Variants in KLHL2 observed in about 807,000 individuals in gnomAD.
KLHL2 encodes kelch like family member 2, also known as kelch-like protein 2.
A neutral mutation model predicts 75.8 loss-of-function variants in KLHL2; 15 were observed. The observed-to-expected ratio is 0.20, with a 90% confidence interval of 0.13 to 0.30. The LOEUF (loss-of-function observed/expected upper bound fraction) is 0.30, where lower values mean the gene tolerates loss of function less well. Ranked by LOEUF, KLHL2 falls within the 10% of genes least tolerant of loss-of-function variation. KLHL2 has a pLI of 1.00. For missense variants in KLHL2, 381 were observed against 741.0 expected, an observed-to-expected ratio of 0.51 and a Z score of 5.64; for synonymous variants, 214 against 251.9, an observed-to-expected ratio of 0.85 and a Z score of 1.42.
chr4:165,242,851 T>C (rs1739930912), intron 4 of KLHL2, among the ~76,000 whole-genome samples: 3 of 152,216 alleles, frequency 2.0e-5, no homozygotes. Context: ...TGTGTGAGTC[T>C]GTGTGTGTAT....
At chr4:165,210,288 T>G in intron 1 of KLHL2, 3 of 1,112,160 alleles carry the variant, frequency 2.7e-6, no homozygotes, top group Non-Finnish European at 4.0e-6. Context: ...ACATCCAAAT[T>G]TACATTGTTC....
At chr4:165,300,150 G>T (rs918321377) in intron 8 of KLHL2, among the ~76,000 whole-genome samples, 1 of 152,012 alleles carries the variant, frequency 6.6e-6, no homozygotes, top group African/African-American at 2.4e-5. Context: ...TTAGCCACGT[G>T]TGGTGGCAGG....
chr4:165,263,355 T>C lies in KLHL2; in HGVS notation c.540T>C (p.Tyr180=), dbSNP rs1200982337. Residue 180 remains tyrosine (Y), a synonymous_variant, in exon 5 of 15, where the codon TAT becomes TAC. Transcript: ENST00000226725. The part of the protein sequence containing the change: ...CTDLLNKANT[Y]AEQHFADVVL... ...ACCTTCTGAACAAGGCCAACACCTA[T>C]GCAGGCAAGTGGAGTAGACCTCAGC... 3 of 1,613,588 alleles carry C rather than the reference T, an allele frequency of 1.9e-6. No individual in the cohort carries two copies. The highest frequency in any genetic ancestry group is 2.5e-6 in the Non-Finnish European group (3 of 1,179,724).
chr4:165,307,537 A>C (rs946173817), intron 9 of KLHL2, among the ~76,000 whole-genome samples: 5 of 152,188 alleles, frequency 3.3e-5, no homozygotes, highest in African/African-American at 1.2e-4. Context: ...ATGCTGTTCT[A>C]GGATCCTGCT....
At chr4:165,270,589 T>C (rs2126335854) in intron 5 of KLHL2, among the ~76,000 whole-genome samples, 1 of 152,276 alleles carries the variant, frequency 6.6e-6, no homozygotes. Flanking sequence ...CAGCTGCAGG[T>C]CTGTTGGAGT....
chr4:165,219,654 A>C (rs1372834634), intron 1 of KLHL2: 9 of 1,153,012 alleles, frequency 7.8e-6, no homozygotes, highest in Non-Finnish European at 9.6e-6. Context: ...TTTTATTTGG[A>C]GATATCTGCT....
intron 4 of KLHL2, among the ~76,000 whole-genome samples, chr4:165,258,410 A>G (rs1307211102): frequency 6.6e-6 from 1 of 151,334 alleles, no homozygotes; most frequent in Non-Finnish European, 1.5e-5. Context: ...AAAAAAAAAA[A>G]AAAGGATCAT....
At chr4:165,277,595 G>C (rs1239990039) in intron 5 of KLHL2, among the ~76,000 whole-genome samples, 1 of 152,222 alleles carries the variant, frequency 6.6e-6, no homozygotes, top group Non-Finnish European at 1.5e-5. Flanking sequence ...CTCAAGTCCT[G>C]TTCCAGTAGT....
chr4:165,318,687 G>T (rs1376237957), intron 14 of KLHL2, among the ~76,000 whole-genome samples: 1 of 151,952 alleles, frequency 6.6e-6, no homozygotes, highest in Admixed American at 6.6e-5. Flanking sequence ...CTTCATTGAG[G>T]TATAAACTGA....
intron 5 of KLHL2, among the ~76,000 whole-genome samples, chr4:165,283,068 G>A (rs1251504298): frequency 6.6e-6 from 1 of 152,112 alleles, no homozygotes; most frequent in Admixed American, 6.5e-5. Flanking sequence ...CACGAGAACA[G>A]CATGGGAAAG....
intron 4 of KLHL2, among the ~76,000 whole-genome samples, chr4:165,256,919 T>C (rs1159219149): frequency 6.6e-6 from 1 of 152,236 alleles, no homozygotes. Flanking sequence ...ATACTAAATG[T>C]ATTAGAAACA....
chr4:165,241,510 T>C (rs1378716832), intron 4 of KLHL2, among the ~76,000 whole-genome samples: 2 of 152,216 alleles, frequency 1.3e-5, no homozygotes, highest in African/African-American at 4.8e-5. Flanking sequence ...AACAGAAGTT[T>C]CTGTAATTCA....
At chr4:165,219,781 C>T in intron 1 of KLHL2, 153 bp from the exon 2 acceptor site, 1 of 1,359,010 alleles carries the variant, frequency 7.4e-7, no homozygotes, top group Non-Finnish European at 9.7e-7. Context: ...TCTTAATTGT[C>T]TTAACCTTAC....
intron 1 of KLHL2, among the ~76,000 whole-genome samples, chr4:165,217,927 A>G (rs895570519): frequency 1.6e-4 from 24 of 152,198 alleles, no homozygotes; most frequent in Non-Finnish European, 3.2e-4. Context: ...AGCCTTCTTC[A>G]TCTCAATGAA....
intron 5 of KLHL2, among the ~76,000 whole-genome samples, chr4:165,281,496 T>C (rs1189352913): frequency 6.6e-6 from 1 of 152,080 alleles, no homozygotes; most frequent in Non-Finnish European, 1.5e-5. Context: ...TTTGTATTTT[T>C]AGTAGAGATA....
intron 4 of KLHL2, among the ~76,000 whole-genome samples, chr4:165,250,543 T>C (rs1269591699): frequency 6.6e-6 from 1 of 152,224 alleles, no homozygotes; most frequent in Non-Finnish European, 1.5e-5. Flanking sequence ...AAATCTTGAA[T>C]TTATTACTGA....
rs200745111 is a variant in KLHL2, at chr4:165,256,852, CAT to C, written c.382-6344_382-6343del. ...CTAATACTGTTTGTTGTTATGTACACATGTGTTTACCCAAAAAAGGGGTCATA... is the reference window on the plus strand; with the variant it reads ...CTAATACTGTTTGTTGTTATGTACACGTGTTTACCCAAAAAAGGGGTCATA... On this transcript the variant is annotated intron_variant, in intron 4 of 14. Coordinates refer to ENST00000226725, the MANE Select transcript of KLHL2 (RefSeq NM_007246.4). 9.8e-3 allele frequency among the ~76,000 whole-genome samples: 1,488 copies of C among 152,242 alleles called. 16 individuals are homozygous for C. Among genetic ancestry groups the C allele is most frequent in the Non-Finnish European group, 0.016 (1,102 of 68,014 alleles).
rs542208378 is a variant in KLHL2 at position 165,291,483 on chromosome 4, C to A, written c.545-2876C>A. 3.9e-5 allele frequency among the ~76,000 whole-genome samples: 6 copies of A among 152,198 alleles called. No individual in the cohort carries two copies. In the South Asian group the frequency reaches 1.2e-3, roughly 32 times the overall value. ...TGTGTTTTACATTTAAGTTGCTGAT[C>A]CATTTTGAGTTAATTTTTGTGAGAA... On this transcript the variant is annotated intron_variant, in intron 5 of 14. Transcript: ENST00000226725.
At chr4:165,253,828 A>C (rs1014998466) in intron 4 of KLHL2, among the ~76,000 whole-genome samples, 10 of 152,264 alleles carry the variant, frequency 6.6e-5, no homozygotes, top group Non-Finnish European at 1.2e-4. Flanking sequence ...TATTTGTGAG[A>C]GTCATCTATG....
Sources: gnomAD v4.1 joint callset for allele counts (sites outside exome capture counted in the v4.1 genomes callset) on GRCh38, gnomAD v4.1.1 for gene constraint, MANE v1.5 for transcripts, NCBI Gene and HGNC (gene_info 2026-07-23, HGNC 2026-07-21) for gene names.